The following EXT2 variants were observed in gnomAD, a reference collection of about 807,000 sequenced individuals.
EXT2 encodes the protein exostosin-2.
EXT2 carries 53 observed loss-of-function variants against 81.6 expected under a neutral mutation model. The ratio of observed to expected loss-of-function variants is 0.65; its 90% CI spans 0.52 to 0.82. EXT2 has a LOEUF of 0.82. Ranked by LOEUF, EXT2 falls within the 40% of genes least tolerant of loss-of-function variation. The pLI is 0.00. For synonymous variants in EXT2, 320 were observed against 340.0 expected (o/e 0.94, Z 0.65); for missense variants, 774 against 910.2 (o/e 0.85, Z 1.93).
At chr11:44,216,551 A>G (rs1955722106) in intron 10 of EXT2, among the ~76,000 whole-genome samples, 1 of 152,218 alleles carries the variant, frequency 6.6e-6, no homozygotes, top group East Asian at 1.9e-4. Flanking sequence ...TATTTCGTTC[A>G]GGATTCTAAT....
chr11:44,140,812 C>T (rs1304777119), intron 7 of EXT2, among the ~76,000 whole-genome samples: 1 of 152,192 alleles, frequency 6.6e-6, no homozygotes, highest in Non-Finnish European at 1.5e-5. Context: ...TCTAACTACT[C>T]TGTATACAGC....
intron 8 of EXT2, among the ~76,000 whole-genome samples, chr11:44,186,148 T>G (rs1412366191): frequency 2.6e-5 from 4 of 152,250 alleles, no homozygotes; most frequent in Non-Finnish European, 5.9e-5. Flanking sequence ...CTAAATCTTT[T>G]GTACTGTAAA....
chr11:44,158,701 A>C (rs1188748103), intron 7 of EXT2, among the ~76,000 whole-genome samples: 1 of 151,324 alleles, frequency 6.6e-6, no homozygotes, highest in East Asian at 1.9e-4. Flanking sequence ...TTCTTTCCTT[A>C]TGTAGATCTG....
At chr11:44,188,767 G>T (rs1590632766) in intron 8 of EXT2, among the ~76,000 whole-genome samples, 1 of 152,174 alleles carries the variant, frequency 6.6e-6, no homozygotes, top group Non-Finnish European at 1.5e-5. Flanking sequence ...AGACAAAGAG[G>T]TGGAAAATAT....
chr11:44,179,341 T>C (rs1955202212), intron 8 of EXT2, among the ~76,000 whole-genome samples: 1 of 152,216 alleles, frequency 6.6e-6, no homozygotes, highest in Non-Finnish European at 1.5e-5. Context: ...CTACACACAT[T>C]GTTTCCTTAG....
At chr11:44,199,179 TG>T (rs1955493869) in intron 9 of EXT2, among the ~76,000 whole-genome samples, 1 of 152,254 alleles carries the variant, frequency 6.6e-6, no homozygotes, top group South Asian at 2.1e-4. Flanking sequence ...TCTGGATTTT[TG>T]TTTTGTTTGA....
chr11:44,156,261 A>G (rs929727407), intron 7 of EXT2, among the ~76,000 whole-genome samples: 1 of 152,088 alleles, frequency 6.6e-6, no homozygotes, highest in African/African-American at 2.4e-5. Flanking sequence ...TTGAATATTG[A>G]TATCTTGCTG....
At chr11:44,230,644 C>T (rs1158798879) in intron 10 of EXT2, among the ~76,000 whole-genome samples, 2 of 152,068 alleles carry the variant, frequency 1.3e-5, no homozygotes, top group Non-Finnish European at 2.9e-5. Flanking sequence ...CATCTACAAG[C>T]CAGGCAATGC....
intron 7 of EXT2, among the ~76,000 whole-genome samples, chr11:44,132,278 A>G (rs911797636): frequency 1.3e-5 from 2 of 152,228 alleles, no homozygotes; most frequent in Non-Finnish European, 2.9e-5. Context: ...ACTGTTGCCC[A>G]TAGGAGGGTG....
At chr11:44,144,723 TCCCTTCTTGAC>T (rs1954692692) in intron 7 of EXT2, among the ~76,000 whole-genome samples, 2 of 152,334 alleles carry the variant, frequency 1.3e-5, no homozygotes, top group South Asian at 2.1e-4. Flanking sequence ...CTTCCCCTTT[TCCCTTCTTGAC>T]CCCTTCTTGT....
intron 8 of EXT2, among the ~76,000 whole-genome samples, chr11:44,185,226 A>G (rs1364976949): frequency 6.6e-6 from 1 of 152,236 alleles, no homozygotes; most frequent in South Asian, 2.1e-4. Flanking sequence ...CTACATTGCC[A>G]ACCCCTGCAA....
intron 7 of EXT2, among the ~76,000 whole-genome samples, chr11:44,140,269 C>T (rs1954627934): frequency 6.6e-6 from 1 of 152,202 alleles, no homozygotes; most frequent in South Asian, 2.1e-4. Flanking sequence ...GCTGTCTCTG[C>T]CTCCGCAGCA....
chr11:44,236,708 T>A (rs1354380440), intron 13 of EXT2, among the ~76,000 whole-genome samples: 1 of 152,204 alleles, frequency 6.6e-6, no homozygotes, highest in Non-Finnish European at 1.5e-5. Flanking sequence ...CTGGATTATT[T>A]TTCAGGGTAA....
At chr11:44,199,444 G>A (rs1043700956) in intron 9 of EXT2, among the ~76,000 whole-genome samples, 4 of 152,228 alleles carry the variant, frequency 2.6e-5, no homozygotes, top group Non-Finnish European at 5.9e-5. Flanking sequence ...CAGAAGGAAG[G>A]CTGGGCCTCT....
intron 7 of EXT2, 82 bp downstream of exon 7, chr11:44,130,220 A>C: frequency 9.3e-7 from 1 of 1,079,166 alleles, no homozygotes. Context: ...CAGGAGCTGA[A>C]TGCCTGAGTG....
intron 7 of EXT2, among the ~76,000 whole-genome samples, chr11:44,130,544 A>G (rs1011813396): frequency 6.6e-6 from 1 of 152,196 alleles, no homozygotes; most frequent in Admixed American, 6.5e-5. Flanking sequence ...CAGTTCAGTC[A>G]TCCTTTGTAA....
At chr11:44,143,080 T>C (rs976496265) in intron 7 of EXT2, among the ~76,000 whole-genome samples, 1 of 152,206 alleles carries the variant, frequency 6.6e-6, no homozygotes, top group African/African-American at 2.4e-5. Context: ...GCCTTCCGAA[T>C]AGCTGGGATT....
intron 3 of EXT2, 94 bp downstream of exon 3, chr11:44,109,377 T>C: frequency 9.0e-7 from 1 of 1,110,828 alleles, no homozygotes; most frequent in Non-Finnish European, 1.4e-6. Context: ...TACTTTGTAA[T>C]CAGAATTGTT....
At chr11:44,158,227 T>A (rs1342183185) in intron 7 of EXT2, among the ~76,000 whole-genome samples, 1 of 152,180 alleles carries the variant, frequency 6.6e-6, no homozygotes, top group Non-Finnish European at 1.5e-5. Context: ...CTGGTGTATA[T>A]ATGTAGGCCA....
Sources: gnomAD v4.1 joint callset for allele counts (sites outside exome capture counted in the v4.1 genomes callset) on GRCh38, gnomAD v4.1.1 for gene constraint, MANE v1.5 for transcripts, NCBI Gene and HGNC (gene_info 2026-07-23, HGNC 2026-07-21) for gene names.